CCSER1: variants seen among roughly 807,000 people sequenced by gnomAD.
The protein encoded by CCSER1 is coiled-coil serine rich protein 1.
Under a neutral mutation model 82.0 loss-of-function variants are expected in CCSER1, and 41 were observed. That is an observed-to-expected ratio of 0.50 (90% CI 0.39 to 0.65). The LOEUF (loss-of-function observed/expected upper bound fraction) is 0.65, where lower values mean the gene tolerates loss of function less well. CCSER1 is among the 30% of genes least tolerant of loss of function. The pLI is 0.00. For synonymous variants in CCSER1, 414 were observed against 383.9 expected, an observed-to-expected ratio of 1.08 and a Z score of -0.92; for missense variants, 1,119 against 1,064.2, an observed-to-expected ratio of 1.05 and a Z score of -0.72.
At chr4:91,353,382 C>G (rs981921966) in intron 10 of CCSER1, among the ~76,000 whole-genome samples, 2 of 152,154 alleles carry the variant, frequency 1.3e-5, no homozygotes, top group African/African-American at 4.8e-5. Flanking sequence ...TCACGATGTT[C>G]TTCTATACAA....
chr4:90,391,485 T>TATATACAC (rs1438072458), intron 3 of CCSER1, among the ~76,000 whole-genome samples: 12 of 76,644 alleles, frequency 1.6e-4, no homozygotes, highest in Non-Finnish European at 2.2e-4. Flanking sequence ...TATATATATA[T>TATATACAC]ACACACACAC....
chr4:90,203,746 A>G (rs534631863), intron 1 of CCSER1, among the ~76,000 whole-genome samples: 24 of 152,298 alleles, frequency 1.6e-4, no homozygotes, highest in Admixed American at 5.9e-4. Flanking sequence ...TTCTGGATCT[A>G]GAGCCATGAG....
intron 5 of CCSER1, among the ~76,000 whole-genome samples, chr4:90,472,279 T>C (rs1032128678): frequency 3.3e-5 from 5 of 152,200 alleles, no homozygotes; most frequent in African/African-American, 4.8e-5. Context: ...ATGTAATATA[T>C]AATTACATCA....
At chr4:90,448,284 C>T (rs1325420778) in intron 4 of CCSER1, among the ~76,000 whole-genome samples, 1 of 151,362 alleles carries the variant, frequency 6.6e-6, no homozygotes, top group African/African-American at 2.4e-5. Flanking sequence ...ATTCACAAAG[C>T]ATTGTTTTGA....
chr4:91,190,554 C>T (rs889775770), intron 10 of CCSER1, among the ~76,000 whole-genome samples: 2 of 152,038 alleles, frequency 1.3e-5, no homozygotes, highest in African/African-American at 2.4e-5. Context: ...GCCTGACTTT[C>T]AGGATGATGT....
rs149636453 is a variant in CCSER1 at position 90,533,411 on chromosome 4, G to A, written c.1724+65057G>A. The stretch of plus-strand genomic sequence containing the variant: ...CTCCTGGCCTCTCTCTGTTTTATCT[G>A]CTATTCTCAGATTGTCTCACTGTGC... On this transcript the variant is annotated intron_variant, in intron 5 of 10. Coordinates refer to ENST00000509176, the MANE Select transcript of CCSER1 (RefSeq NM_001145065.2). Among the ~76,000 whole-genome samples the A allele has an allele frequency of 6.0e-3, 914 of 152,218 alleles. 3 individuals are homozygous for A. Among genetic ancestry groups the A allele is most frequent in the African/African-American group, 0.015 (608 of 41,544 alleles).
chr4:91,416,551 A>T (rs528116420), intron 10 of CCSER1, among the ~76,000 whole-genome samples: 1 of 152,320 alleles, frequency 6.6e-6, no homozygotes, highest in East Asian at 1.9e-4. Context: ...ATAAGACTGC[A>T]TACCTGCAAT....
intron 9 of CCSER1, among the ~76,000 whole-genome samples, chr4:91,022,515 G>A (rs1309708143): frequency 6.6e-6 from 1 of 152,088 alleles, no homozygotes; most frequent in Non-Finnish European, 1.5e-5. Flanking sequence ...AATCCTTTGG[G>A]TATATACCCA....
chr4:90,700,112 T>A (rs542536670), intron 6 of CCSER1, among the ~76,000 whole-genome samples: 166 of 152,178 alleles, frequency 1.1e-3, no homozygotes, highest in African/African-American at 4.0e-3. Flanking sequence ...ACATTAGGTA[T>A]ATCTCCTAAT....
At chr4:91,386,305 A>C (rs1470153420) in intron 10 of CCSER1, among the ~76,000 whole-genome samples, 2 of 152,072 alleles carry the variant, frequency 1.3e-5, no homozygotes, top group Non-Finnish European at 2.9e-5. Context: ...GTAAAATCTG[A>C]GATAATTTAA....
chr4:91,562,294 T>C (rs1423712460), intron 10 of CCSER1, among the ~76,000 whole-genome samples: 1 of 151,598 alleles, frequency 6.6e-6, no homozygotes, highest in Non-Finnish European at 1.5e-5. Context: ...AATTGGATTA[T>C]TGTAATGTCA....
chr4:90,407,309 T>C (rs1002338676), intron 4 of CCSER1, among the ~76,000 whole-genome samples: 2 of 152,178 alleles, frequency 1.3e-5, no homozygotes, highest in African/African-American at 4.8e-5. Flanking sequence ...ACCAGGAGGA[T>C]ATAAAATCTC....
intron 1 of CCSER1, among the ~76,000 whole-genome samples, chr4:90,273,896 T>G (rs140019096): frequency 2.7e-4 from 41 of 152,300 alleles, no homozygotes; most frequent in Non-Finnish European, 7.4e-5. Context: ...TCAACTATGT[T>G]GTGATAAGAG....
chr4:91,338,807 G>A (rs182162525), intron 10 of CCSER1, among the ~76,000 whole-genome samples: 81 of 152,122 alleles, frequency 5.3e-4, no homozygotes, highest in African/African-American at 1.9e-3. Flanking sequence ...CTAGAAAACT[G>A]GAATCCATAA....
At chr4:91,001,170 A>G (rs920472769) in intron 9 of CCSER1, among the ~76,000 whole-genome samples, 3 of 152,056 alleles carry the variant, frequency 2.0e-5, no homozygotes, top group Non-Finnish European at 4.4e-5. Flanking sequence ...AGATGATCAT[A>G]TGGTTTTTGT....
At chr4:91,376,592 A>G (rs1355654626) in intron 10 of CCSER1, among the ~76,000 whole-genome samples, 4 of 152,204 alleles carry the variant, frequency 2.6e-5, no homozygotes. Flanking sequence ...TATCAGAATT[A>G]TGCAAATTAA....
chr4:91,079,656 G>A (rs1354104564), intron 9 of CCSER1, among the ~76,000 whole-genome samples: 5 of 152,170 alleles, frequency 3.3e-5, no homozygotes, highest in Non-Finnish European at 7.3e-5. Context: ...CCATCAGTGT[G>A]CTGAATTCAG....
intron 10 of CCSER1, among the ~76,000 whole-genome samples, chr4:91,353,231 T>C (rs1748594445): frequency 6.6e-6 from 1 of 152,192 alleles, no homozygotes; most frequent in Non-Finnish European, 1.5e-5. Context: ...GCTCCCCAAG[T>C]GCACAATTTC....
rs1257995731 is a variant in CCSER1, at chr4:90,323,421, A to G, written c.1509+10374A>G. Among the ~76,000 whole-genome samples the G allele has an allele frequency of 2.0e-5, 3 of 152,172 alleles. No individual in the cohort carries two copies. In the East Asian group the frequency reaches 5.8e-4, roughly 29 times the overall value. On this transcript the variant is annotated intron_variant, in intron 3 of 10. Transcript: ENST00000509176. Reference sequence around the variant, plus strand: ...GGAGCTAGCTGGAGCTCAGATTCCTACCCCTAGGAGGGAGGATTCTCCTCT... The same window carrying G: ...GGAGCTAGCTGGAGCTCAGATTCCTGCCCCTAGGAGGGAGGATTCTCCTCT...
Sources: gnomAD v4.1 joint callset for allele counts (sites outside exome capture counted in the v4.1 genomes callset) on GRCh38, gnomAD v4.1.1 for gene constraint, MANE v1.5 for transcripts, NCBI Gene and HGNC (gene_info 2026-07-23, HGNC 2026-07-21) for gene names.